Variants in ANKRD44 observed in about 807,000 individuals in gnomAD.
The protein encoded by ANKRD44 is ankyrin repeat domain 44.
Under a neutral mutation model 116.0 loss-of-function variants are expected in ANKRD44, and 35 were observed. That is an observed-to-expected ratio of 0.30 (90% CI 0.23 to 0.40). The LOEUF (loss-of-function observed/expected upper bound fraction) is 0.40, where lower values mean the gene tolerates loss of function less well. Among genes scored for constraint, ANKRD44 ranks in the 10% least tolerant of loss-of-function variants. ANKRD44 has a pLI of 1.00. For synonymous variants in ANKRD44, 435 were observed against 461.8 expected (o/e 0.94, Z 0.74); for missense variants, 1,014 against 1,242.6 (o/e 0.82, Z 2.77).
intron 1 of ANKRD44, among the ~76,000 whole-genome samples, chr2:197,282,537 T>G (rs1185651565): frequency 6.6e-6 from 1 of 152,138 alleles, no homozygotes; most frequent in Admixed American, 6.5e-5. Context: ...TAGGAGTCTA[T>G]GGCAGATCTG....
rs530538197 is a variant in ANKRD44 at position 197,235,340 on chromosome 2, G to A, written c.28-48234C>T. Among the ~76,000 whole-genome samples, 156 of 152,290 alleles carry A rather than the reference G, an allele frequency of 1.0e-3. 1 individual carries two copies. The highest frequency in any genetic ancestry group is 3.4e-3 in the Middle Eastern group (1 of 294). ...TCAAAAGTAGTGTAAGATCCAGCCA[G>A]GCACGGTGGCTCACGCCTGTAATAC... On this transcript the variant is annotated intron_variant, in intron 1 of 27. Transcript: ENST00000282272.
chr2:197,000,950 A>C (rs2076102919), intron 22 of ANKRD44, among the ~76,000 whole-genome samples: 1 of 152,194 alleles, frequency 6.6e-6, no homozygotes, highest in South Asian at 2.1e-4. Context: ...AGGCAGGAGA[A>C]TTGCTTGAAC....
chr2:197,118,230 A>G (rs2078758808), intron 8 of ANKRD44, among the ~76,000 whole-genome samples: 1 of 151,498 alleles, frequency 6.6e-6, no homozygotes, highest in Non-Finnish European at 1.5e-5. Flanking sequence ...AAATAATAAT[A>G]ATAAAAATAA....
intron 10 of ANKRD44, among the ~76,000 whole-genome samples, chr2:197,095,604 G>A (rs2078143198): frequency 6.6e-6 from 1 of 152,192 alleles, no homozygotes; most frequent in Non-Finnish European, 1.5e-5. Flanking sequence ...CATCTGCTAT[G>A]TAGAGGCAGC....
chr2:197,306,765 C>T (rs960791531), intron 1 of ANKRD44, among the ~76,000 whole-genome samples: 3 of 152,144 alleles, frequency 2.0e-5, no homozygotes, highest in African/African-American at 7.2e-5. Context: ...CCACTGCCAC[C>T]GCTGCCAGCC....
chr2:197,259,727 C>G (rs1547590), intron 1 of ANKRD44, among the ~76,000 whole-genome samples: 6,100 of 152,296 alleles, frequency 0.04, 206 homozygotes, highest in Admixed American at 0.11. Context: ...CAGGCCCCAG[C>G]AGGAAGGACT....
chr2:197,148,711 T>C (rs1189698004), intron 2 of ANKRD44, among the ~76,000 whole-genome samples: 1 of 152,134 alleles, frequency 6.6e-6, no homozygotes, highest in Non-Finnish European at 1.5e-5. Flanking sequence ...GAAAGTCTGG[T>C]AAGTAGGTTT....
intron 4 of ANKRD44, among the ~76,000 whole-genome samples, chr2:197,126,448 C>A (rs769915909): frequency 5.3e-5 from 8 of 152,168 alleles, no homozygotes; most frequent in Admixed American, 5.2e-4. Context: ...ACATCTTAAC[C>A]CTCAGCATCG....
At position 196,988,640 on chromosome 2, in the gene ANKRD44, A is replaced by C. The variant is rs892524517; in HGVS notation, c.*951T>G. The C allele has an allele frequency of 4.1e-6, 4 of 985,074 alleles. No individual in the cohort carries two copies. The highest frequency in any genetic ancestry group is 4.8e-6 in the Non-Finnish European group (4 of 829,700). 61.0% of individuals were successfully genotyped at this position (985,074 alleles called of 1,614,324 possible). A position where few individuals can be genotyped will look rare whatever the true frequency, so the allele number is the denominator to read the frequency against. ...CAGATATGATAGAACATTATTTTTG[A>C]AATATCTCACATACACTATAAAATA... is the stretch of plus-strand genomic sequence containing the variant. On this transcript the variant is annotated 3_prime_UTR_variant, in exon 28 of 28. Coordinates refer to ENST00000282272, the MANE Select transcript of ANKRD44 (RefSeq NM_001195144.2).
At chr2:197,142,921 C>T (rs767474670) in intron 3 of ANKRD44, among the ~76,000 whole-genome samples, 1 of 151,282 alleles carries the variant, frequency 6.6e-6, no homozygotes, top group Non-Finnish European at 1.5e-5. Flanking sequence ...GGGAGGATCA[C>T]TTGAGGCCAG....
chr2:197,162,517 G>A (rs947414865), intron 2 of ANKRD44, among the ~76,000 whole-genome samples: 6 of 152,150 alleles, frequency 3.9e-5, no homozygotes, highest in African/African-American at 1.4e-4. Flanking sequence ...TTTGAAATAC[G>A]GCACAAAACA....
At chr2:197,235,866 A>T (rs896209973) in intron 1 of ANKRD44, among the ~76,000 whole-genome samples, 1 of 152,178 alleles carries the variant, frequency 6.6e-6, no homozygotes. Context: ...CAGTAAATTA[A>T]GGGAAGTAAT....
At chr2:197,101,195 TC>T (rs1444210944) in intron 9 of ANKRD44, among the ~76,000 whole-genome samples, 1 of 152,178 alleles carries the variant, frequency 6.6e-6, no homozygotes, top group African/African-American at 2.4e-5. Flanking sequence ...TTGTCATGTC[TC>T]TTTAGTTTCT....
chr2:197,036,350 C>G (rs2076807313), intron 16 of ANKRD44, among the ~76,000 whole-genome samples: 1 of 152,114 alleles, frequency 6.6e-6, no homozygotes, highest in South Asian at 2.1e-4. Flanking sequence ...CCTCCACCTC[C>G]CAGGTTCAAG....
At chr2:197,084,368 T>C (rs1652464839) in intron 13 of ANKRD44, among the ~76,000 whole-genome samples, 2 of 152,196 alleles carry the variant, frequency 1.3e-5, no homozygotes, top group South Asian at 4.1e-4. Context: ...GGGCTAGTTC[T>C]CTTTAGTTTG....
chr2:197,068,650 G>T (rs190632502), intron 16 of ANKRD44, among the ~76,000 whole-genome samples: 1 of 152,018 alleles, frequency 6.6e-6, no homozygotes, highest in Non-Finnish European at 1.5e-5. Context: ...GTGGGCAAAG[G>T]ATATGAACAG....
At chr2:197,068,601 A>G (rs1173088620) in intron 16 of ANKRD44, among the ~76,000 whole-genome samples, 1 of 152,098 alleles carries the variant, frequency 6.6e-6, no homozygotes, top group Non-Finnish European at 1.5e-5. Context: ...AAGAACTTAA[A>G]CAAATTTACA....
chr2:197,230,755 G>C (rs1287242232), intron 1 of ANKRD44, among the ~76,000 whole-genome samples: 1 of 152,136 alleles, frequency 6.6e-6, no homozygotes, highest in Non-Finnish European at 1.5e-5. Flanking sequence ...GGAGGGCTGT[G>C]CTCCACGTAG....
At chr2:197,115,731 A>G (rs1363303996) in intron 8 of ANKRD44, among the ~76,000 whole-genome samples, 4 of 152,228 alleles carry the variant, frequency 2.6e-5, no homozygotes, top group African/African-American at 9.6e-5. Flanking sequence ...TTCAAAATCC[A>G]AGGAGCAATG....
Sources: allele counts gnomAD v4.1 joint callset (sites outside exome capture counted in the v4.1 genomes callset), GRCh38; gene constraint gnomAD v4.1.1; transcripts MANE v1.5; gene names NCBI Gene and HGNC (gene_info 2026-07-23, HGNC 2026-07-21).